Variants in FOXP2 observed in about 807,000 individuals in gnomAD.
The protein encoded by FOXP2 is forkhead box P2.
In FOXP2, 12 loss-of-function variants were observed where a neutral mutation model predicts 115.8. The observed-to-expected ratio is 0.10, with a 90% CI of 0.07 to 0.17. The LOEUF is 0.17. Among genes scored for constraint, FOXP2 ranks in the 10% least tolerant of loss-of-function variants. The pLI is 1.00. For synonymous variants in FOXP2, 328 were observed against 297.7 expected, an observed-to-expected ratio of 1.10 and a Z score of -1.05; for missense variants, 629 against 843.5, an observed-to-expected ratio of 0.75 and a Z score of 3.15.
intron 2 of FOXP2, among the ~76,000 whole-genome samples, chr7:114,505,921 T>C (rs983547206): frequency 6.6e-6 from 1 of 151,694 alleles, no homozygotes; most frequent in African/African-American, 2.4e-5. Context: ...TACTTTTTTG[T>C]AGCGTACTGT....
intron 1 of FOXP2, among the ~76,000 whole-genome samples, chr7:114,419,619 C>T (rs1157534290): frequency 6.6e-6 from 1 of 151,490 alleles, no homozygotes; most frequent in Non-Finnish European, 1.5e-5. Flanking sequence ...TATTCTAATG[C>T]CTAAAATAAA....
At chr7:114,126,075 T>C (rs902602396) in intron 1 of FOXP2, among the ~76,000 whole-genome samples, 5 of 152,098 alleles carry the variant, frequency 3.3e-5, no homozygotes, top group Admixed American at 3.3e-4. Flanking sequence ...GTCAAGAAGC[T>C]TAAAATATAG....
intron 1 of FOXP2, among the ~76,000 whole-genome samples, chr7:114,166,305 G>A (rs930904578): frequency 1.3e-5 from 2 of 152,112 alleles, no homozygotes; most frequent in African/African-American, 4.8e-5. Flanking sequence ...CTTCTGTTAA[G>A]AGAATGAAAA....
chr7:114,368,390 A>G (rs1791928949), intron 2 of FOXP2, among the ~76,000 whole-genome samples: 1 of 152,182 alleles, frequency 6.6e-6, no homozygotes, highest in Admixed American at 6.6e-5. Flanking sequence ...TCTGAAATAG[A>G]GTGCCATTTT....
chr7:114,539,143 A>G (rs1241106548), intron 3 of FOXP2, among the ~76,000 whole-genome samples: 3 of 151,896 alleles, frequency 2.0e-5, no homozygotes, highest in African/African-American at 7.2e-5. Context: ...TAAACTAATT[A>G]TCAATACTGA....
intron 2 of FOXP2, among the ~76,000 whole-genome samples, chr7:114,402,941 C>T (rs1052643958): frequency 2.0e-5 from 3 of 152,040 alleles, no homozygotes; most frequent in Admixed American, 1.3e-4. Context: ...CTACCATGCC[C>T]GACCACATGC....
chr7:114,498,577 G>C (rs1194857281), intron 2 of FOXP2, among the ~76,000 whole-genome samples: 2 of 152,082 alleles, frequency 1.3e-5, no homozygotes, highest in African/African-American at 4.8e-5. Context: ...TAGTAACTGG[G>C]AACAGAATAT....
intron 1 of FOXP2, among the ~76,000 whole-genome samples, chr7:114,100,490 T>G (rs1348765462): frequency 2.0e-5 from 3 of 152,200 alleles, no homozygotes; most frequent in Non-Finnish European, 4.4e-5. Flanking sequence ...ATATACCATC[T>G]GAATAATTTA....
intron 2 of FOXP2, among the ~76,000 whole-genome samples, chr7:114,490,767 G>C (rs1452626650): frequency 1.3e-5 from 2 of 151,888 alleles, no homozygotes; most frequent in East Asian, 3.9e-4. Context: ...TTGGTTTTTT[G>C]TCCTTGTGAT....
intron 1 of FOXP2, among the ~76,000 whole-genome samples, chr7:114,259,903 T>C (rs190417989): frequency 6.6e-6 from 1 of 152,252 alleles, no homozygotes; most frequent in African/African-American, 2.4e-5. Context: ...TTGTTGTTGT[T>C]GTTTGAGACA....
At chr7:114,138,865 A>G (rs1792122069) in intron 1 of FOXP2, among the ~76,000 whole-genome samples, 2 of 152,202 alleles carry the variant, frequency 1.3e-5, no homozygotes, top group African/African-American at 4.8e-5. Context: ...GGTATCCTGG[A>G]TGGTATCTTG....
chr7:114,144,074 G>A (rs951072602), intron 1 of FOXP2, among the ~76,000 whole-genome samples: 2 of 152,006 alleles, frequency 1.3e-5, no homozygotes, highest in Non-Finnish European at 2.9e-5. Flanking sequence ...ACAGACTCAG[G>A]GTTAGATGAT....
At chr7:114,620,734 C>G (rs1330342471) in intron 3 of FOXP2, among the ~76,000 whole-genome samples, 1 of 151,966 alleles carries the variant, frequency 6.6e-6, no homozygotes, top group Non-Finnish European at 1.5e-5. Flanking sequence ...ATAAAAAGGA[C>G]TCTGCATAGT....
chr7:114,477,738 T>C (rs950372375), intron 2 of FOXP2, among the ~76,000 whole-genome samples: 1 of 151,876 alleles, frequency 6.6e-6, no homozygotes, highest in African/African-American at 2.4e-5. Flanking sequence ...AACTTGGTAA[T>C]AGATTGTAGC....
chr7:114,127,098 T>A (rs1021385589), intron 1 of FOXP2, among the ~76,000 whole-genome samples: 6 of 152,182 alleles, frequency 3.9e-5, no homozygotes, highest in Non-Finnish European at 8.8e-5. Flanking sequence ...CACGTCGTTG[T>A]TGGCTGGATC....
chr7:114,488,751 T>C (rs1326392390), intron 2 of FOXP2, among the ~76,000 whole-genome samples: 1 of 152,176 alleles, frequency 6.6e-6, no homozygotes, highest in East Asian at 1.9e-4. Context: ...GAGGACACAT[T>C]GCAAAATTCA....
chr7:114,099,741 A>G (rs1052798869), intron 1 of FOXP2, among the ~76,000 whole-genome samples: 2 of 152,178 alleles, frequency 1.3e-5, no homozygotes, highest in African/African-American at 4.8e-5. Flanking sequence ...AGTCTCTGAT[A>G]TAAAATGGTA....
chr7:114,592,496 A>G (rs1802489183), intron 3 of FOXP2, among the ~76,000 whole-genome samples: 1 of 152,030 alleles, frequency 6.6e-6, no homozygotes, highest in African/African-American at 2.4e-5. Context: ...TTCATGGGAT[A>G]GCAACACTGC....
chr7:114,297,110 G>T (rs1313817224), intron 2 of FOXP2: 2 of 462,352 alleles, frequency 4.3e-6, no homozygotes, highest in African/African-American at 2.0e-5. Context: ...AGGGCAGGGG[G>T]CTCAGTCTTT....
Sources: gnomAD v4.1 joint callset for allele counts (sites outside exome capture counted in the v4.1 genomes callset) on GRCh38, gnomAD v4.1.1 for gene constraint, MANE v1.5 for transcripts, NCBI Gene and HGNC (gene_info 2026-07-23, HGNC 2026-07-21) for gene names.